SYN2: variants seen among roughly 807,000 people sequenced by gnomAD.
SYN2 encodes the protein synapsin-2.
In SYN2, 19 loss-of-function variants were observed where a neutral mutation model predicts 50.9. That is an observed-to-expected ratio of 0.37 (90% confidence interval 0.26 to 0.55). The LOEUF is 0.55. Among genes scored for constraint, SYN2 ranks in the 20% least tolerant of loss-of-function variants. SYN2 has a pLI of 0.81. For missense variants in SYN2, 587 were observed against 576.4 expected, an observed-to-expected ratio of 1.02 and a Z score of -0.19; for synonymous variants, 255 against 224.9, an observed-to-expected ratio of 1.13 and a Z score of -1.20.
Position 12,004,652 on chromosome 3 carries a change from C to T in SYN2, c.101C>T (p.Pro34Leu), listed in dbSNP as rs1693746509. The change falls in exon 1 of 13, where the codon CCG becomes CTG. Residue 34 changes from proline (P) to leucine (L), a missense_variant. By Grantham distance (98) the Pro-to-Leu change is moderately conservative (BLOSUM62 -3). Transcript: ENST00000621198. ...CTGCAGCGGCCCGAGCCCCAGCAGC[C>T]GCCGCCGCCGCCGCCCCCCGGTCCG... ...TDLQRPEPQQ[P>L]PPPPPPGPGA... The T allele has an allele frequency of 3.0e-6, 1 of 332,294 alleles. No homozygotes were observed. Among genetic ancestry groups the T allele is most frequent in the Non-Finnish European group, 5.6e-6 (1 of 177,966 alleles). 20.6% of individuals were successfully genotyped at this position (332,294 alleles called of 1,614,324 possible). A position where few individuals can be genotyped will look rare whatever the true frequency, so the allele number is the denominator to read the frequency against.
chr3:12,178,403 T>A (rs6781281), intron 10 of SYN2, among the ~76,000 whole-genome samples: 3,606 of 152,320 alleles, frequency 0.024, 156 homozygotes, highest in African/African-American at 0.082. Flanking sequence ...CTCCAGCTTG[T>A]CTGCCGAAAG....
chr3:12,127,677 G>A (rs1696700862), intron 1 of SYN2, among the ~76,000 whole-genome samples: 1 of 152,206 alleles, frequency 6.6e-6, no homozygotes, highest in South Asian at 2.1e-4. Context: ...GAAATCCAAA[G>A]TATTGTTGCC....
intron 1 of SYN2, among the ~76,000 whole-genome samples, chr3:12,040,348 A>G (rs1469976361): frequency 1.3e-5 from 2 of 151,984 alleles, no homozygotes; most frequent in African/African-American, 2.4e-5. Flanking sequence ...AAAATCCTGC[A>G]TAGTGATTAC....
At chr3:12,093,897 C>A (rs140462384) in intron 1 of SYN2, among the ~76,000 whole-genome samples, 284 of 145,070 alleles carry the variant, frequency 2.0e-3, no homozygotes, top group Non-Finnish European at 3.3e-3. Context: ...TGCTCTGTTG[C>A]CCAGGCTAGA....
chr3:12,110,165 G>A (rs1031339579), intron 1 of SYN2, among the ~76,000 whole-genome samples: 5 of 152,162 alleles, frequency 3.3e-5, no homozygotes, highest in African/African-American at 4.8e-5. Context: ...TCCATCCTGG[G>A]CAACAGAGGG....
intron 5 of SYN2, among the ~76,000 whole-genome samples, chr3:12,159,902 G>A (rs897457809): frequency 1.3e-5 from 2 of 151,972 alleles, no homozygotes; most frequent in African/African-American, 2.4e-5. Flanking sequence ...AGTTAGCCGG[G>A]CGTGGTGGCC....
intron 1 of SYN2, among the ~76,000 whole-genome samples, chr3:12,045,297 G>A (rs1694711151): frequency 6.6e-6 from 1 of 152,142 alleles, no homozygotes; most frequent in African/African-American, 2.4e-5. Flanking sequence ...GACTTTTGAA[G>A]TTTTTCTGAT....
intron 4 of SYN2, among the ~76,000 whole-genome samples, chr3:12,148,342 C>T (rs1014940713): frequency 6.6e-6 from 1 of 152,176 alleles, no homozygotes; most frequent in African/African-American, 2.4e-5. Context: ...CCTTCAGTTT[C>T]ACAAAGCAGC....
intron 1 of SYN2, among the ~76,000 whole-genome samples, chr3:12,041,260 A>G (rs1321117483): frequency 6.6e-6 from 1 of 152,098 alleles, no homozygotes; most frequent in Admixed American, 6.5e-5. Context: ...CAAGGAGCTG[A>G]TGTGTTTGAC....
chr3:12,160,798 C>G (rs1697628688), intron 5 of SYN2, among the ~76,000 whole-genome samples: 1 of 152,236 alleles, frequency 6.6e-6, no homozygotes. Flanking sequence ...TCTTACATCA[C>G]CATTTTGTAG....
chr3:12,134,747 T>C (rs1476301796), intron 1 of SYN2, among the ~76,000 whole-genome samples: 1 of 152,222 alleles, frequency 6.6e-6, no homozygotes, highest in Non-Finnish European at 1.5e-5. Flanking sequence ...TATGAAACTT[T>C]TATTATTGTT....
At chr3:12,133,107 T>C (rs564377021) in intron 1 of SYN2, among the ~76,000 whole-genome samples, 97 of 152,348 alleles carry the variant, frequency 6.4e-4, no homozygotes, top group African/African-American at 2.3e-3. Context: ...CCCCATGCAC[T>C]CTCTTCCACA....
Position 12,169,855 on chromosome 3 carries a change from C to T in SYN2, c.1257C>T (p.Ser419=), listed in dbSNP as rs1697899184. The T allele has an allele frequency of 6.2e-7, 1 of 1,613,462 alleles. No homozygotes were observed. The highest frequency in any genetic ancestry group is 1.3e-5 in the African/African-American group (1 of 75,026). The stretch of plus-strand genomic sequence containing the variant: ...TCAGCAAGATGAACCAGCTGCTGTC[C>T]AGGACTCCTGCCCTGTCTCCTCAGA... ...LVISKMNQLL[S]RTPALSPQRP... is the part of the protein sequence containing the mutation. The change falls in exon 10 of 13, where the codon TCC becomes TCT. Residue 419 remains serine, a synonymous_variant. Transcript: ENST00000621198.
chr3:12,112,498 G>T (rs969613776), intron 1 of SYN2, among the ~76,000 whole-genome samples: 2 of 152,110 alleles, frequency 1.3e-5, no homozygotes, highest in African/African-American at 4.8e-5. Flanking sequence ...AAATTTTGCA[G>T]TGGAGTTACA....
At chr3:12,115,564 C>G (rs186430532) in intron 1 of SYN2, among the ~76,000 whole-genome samples, 1 of 152,222 alleles carries the variant, frequency 6.6e-6, no homozygotes, top group Non-Finnish European at 1.5e-5. Context: ...AACTTTTATT[C>G]ATTCCGTATT....
intron 1 of SYN2, among the ~76,000 whole-genome samples, chr3:12,110,569 G>C (rs1899401): frequency 6.6e-6 from 1 of 152,204 alleles, no homozygotes; most frequent in African/African-American, 2.4e-5. Context: ...CCCTGCAGCA[G>C]ACTTCTTCCT....
At chr3:12,188,884 GGGC>G (rs1698395696) in intron 12 of SYN2, among the ~76,000 whole-genome samples, 1 of 152,138 alleles carries the variant, frequency 6.6e-6, no homozygotes. Context: ...CCCCGCGTGA[GGGC>G]AGATCCTTGG....
chr3:12,064,016 A>C (rs962463109), intron 1 of SYN2, among the ~76,000 whole-genome samples: 3 of 151,920 alleles, frequency 2.0e-5, no homozygotes, highest in Non-Finnish European at 2.9e-5. Context: ...AAACCTGACA[A>C]ACACTCCCTC....
chr3:12,094,049 T>G (rs1695880887), intron 1 of SYN2, among the ~76,000 whole-genome samples: 1 of 152,114 alleles, frequency 6.6e-6, no homozygotes, highest in South Asian at 2.1e-4. Context: ...AGAGATGGGA[T>G]TTCACATGTT....
Sources: allele counts gnomAD v4.1 joint callset (sites outside exome capture counted in the v4.1 genomes callset), GRCh38; gene constraint gnomAD v4.1.1; transcripts MANE v1.5; gene names NCBI Gene and HGNC (gene_info 2026-07-23, HGNC 2026-07-21).